The following PARD3B variants were observed in gnomAD, a reference collection of about 807,000 sequenced individuals.
PARD3B encodes partitioning defective 3 homolog B.
In PARD3B, 103 loss-of-function variants were observed where a neutral mutation model predicts 130.2. The ratio of observed to expected loss-of-function variants is 0.79; its 90% confidence interval spans 0.67 to 0.93. The LOEUF (loss-of-function observed/expected upper bound fraction) is 0.93. PARD3B is among the 40% of genes least tolerant of loss of function. The pLI, the probability that PARD3B is intolerant of heterozygous loss-of-function variation, is 0.00. For missense variants in PARD3B, 1,609 were observed against 1,499.2 expected (o/e 1.07, Z -1.21); for synonymous variants, 583 against 553.2 (o/e 1.05, Z -0.76).
chr2:205,158,946 A>C lies in PARD3B; in HGVS notation c.1620+39A>C, dbSNP rs753958062. On this transcript the variant is annotated intron_variant, in intron 11 of 22. Coordinates refer to ENST00000406610, the MANE Select transcript of PARD3B (RefSeq NM_001302769.2). This position sits in a 1 kb window ranked among gnomAD's most constrained non-coding sequence, Gnocchi z 5.4. ...ACATTTGTACATCCTTTGAGAAGGC[A>C]CTTGGAGATGTGACTGTTGTACTTA... 3 of 1,601,110 alleles carry C rather than the reference A, an allele frequency of 1.9e-6. No individual in the cohort carries two copies. The East Asian group carries it at 6.7e-5, about 36-fold the overall frequency.
chr2:204,676,970 G>T (rs745705559), intron 1 of PARD3B, among the ~76,000 whole-genome samples: 2 of 152,060 alleles, frequency 1.3e-5, no homozygotes, highest in Non-Finnish European at 2.9e-5. Flanking sequence ...ACCCGGCCAA[G>T]ATTGTTCTTT....
At position 205,474,243 on chromosome 2, in the gene PARD3B, G is replaced by A. The variant is rs149354280; in HGVS notation, c.3045-25653G>A. Among the ~76,000 whole-genome samples, 70 of 151,860 alleles carry A rather than the reference G, an allele frequency of 4.6e-4. No individual in the cohort carries two copies. In the East Asian group the frequency reaches 0.012, roughly 25 times the overall value. ...TCTATATTAAATTTAATAGCAAAAA[G>A]CTAAGGAAGAAAAAAATAAAATTGC... On this transcript the variant is annotated intron_variant, in intron 20 of 22. Coordinates refer to ENST00000406610, the MANE Select transcript of PARD3B (RefSeq NM_001302769.2).
intron 2 of PARD3B, among the ~76,000 whole-genome samples, chr2:204,893,326 G>A (rs1355328322): frequency 6.6e-6 from 1 of 152,168 alleles, no homozygotes; most frequent in African/African-American, 2.4e-5. Flanking sequence ...AGTGAGTGGA[G>A]CCAGTGCTTT....
At position 205,584,269 on chromosome 2, in the gene PARD3B, T is replaced by A. The variant is rs2054110834; in HGVS notation, c.3260+30866T>A. ...AAAGCAAAAGAATATTAAATATAAA[T>A]TATTTTTATATGGATTACTTGTTGA... On this transcript the variant is annotated intron_variant, in intron 22 of 22. Transcript: ENST00000406610. This position sits in a 1 kb window ranked among gnomAD's most constrained non-coding sequence, Gnocchi z 5.5. Among the ~76,000 whole-genome samples, 2 of 152,202 alleles carry A rather than the reference T, an allele frequency of 1.3e-5. No homozygotes were observed.
intron 8 of PARD3B, 66 bp from the exon 9 acceptor site, chr2:205,124,261 G>A (rs1039288072): frequency 8.9e-5 from 113 of 1,265,446 alleles, no homozygotes; most frequent in Non-Finnish European, 8.8e-5. Context: ...AGATCTTACT[G>A]TAAGACTGAA....
At chr2:205,220,018 C>A (rs554346676) in intron 15 of PARD3B, among the ~76,000 whole-genome samples, 1 of 152,112 alleles carries the variant, frequency 6.6e-6, no homozygotes, top group Non-Finnish European at 1.5e-5. Context: ...ACAGGGAGAA[C>A]TGTTGAGCCG....
chr2:204,729,179 A>C (rs1240638455), intron 2 of PARD3B, among the ~76,000 whole-genome samples: 2 of 152,220 alleles, frequency 1.3e-5, no homozygotes, highest in African/African-American at 2.4e-5. Context: ...TCACATAGTC[A>C]TGCAACTGTG....
Position 205,615,690 on chromosome 2 carries a change from G to T in PARD3B, c.3495G>T (p.Gln1165His). ...FRQDVPPSPP[Q>H]HQRMPAYQET... ...AAGACGTTCCGCCTTCCCCTCCCCA[G>T]CACCAAAGAATGCCAGCCTATCAGG... Residue 1165 changes from glutamine to histidine, a missense_variant, in exon 23 of 23, where the codon CAG becomes CAT. Gln to His is a conservative substitution (Grantham distance 24). Transcript: ENST00000406610. 6.2e-7 allele frequency: 1 copy of T among 1,613,890 alleles called. No homozygotes were observed. Among genetic ancestry groups the T allele is most frequent in the Non-Finnish European group, 8.5e-7 (1 of 1,179,988 alleles).
At chr2:205,606,381 C>T (rs2105776944) in intron 22 of PARD3B, among the ~76,000 whole-genome samples, 1 of 152,316 alleles carries the variant, frequency 6.6e-6, no homozygotes, top group African/African-American at 2.4e-5. Context: ...CATGTGGCTC[C>T]CAGGTGGGCT....
intron 10 of PARD3B, among the ~76,000 whole-genome samples, chr2:205,147,973 T>A (rs1032128866): frequency 6.6e-6 from 1 of 152,138 alleles, no homozygotes; most frequent in African/African-American, 2.4e-5. Flanking sequence ...ATATCAGAGA[T>A]CATAGGGCTA....
In PARD3B at chr2:205,292,754, A is replaced by G. The variant is rs766625401; in HGVS notation, c.2186-7776A>G. On this transcript the variant is annotated intron_variant, in intron 16 of 22. Coordinates refer to ENST00000406610, the MANE Select transcript of PARD3B (RefSeq NM_001302769.2). The surrounding 1 kb of genome is among the most constrained non-coding windows in gnomAD (Gnocchi z 5.3). ...ATACAGTTGAATTTGGGTAAGATCA[A>G]TTGTGTGTGATTAGACTTCACTTTG... 2.0e-5 allele frequency among the ~76,000 whole-genome samples: 3 copies of G among 152,296 alleles called. No individual in the cohort carries two copies. The highest frequency in any genetic ancestry group is 4.4e-5 in the Non-Finnish European group (3 of 68,026).
chr2:204,830,991 T>C (rs2125566339), intron 2 of PARD3B, among the ~76,000 whole-genome samples: 1 of 152,226 alleles, frequency 6.6e-6, no homozygotes, highest in East Asian at 1.9e-4. Flanking sequence ...TACTATAAAA[T>C]GATATCTCCT....
rs576327131 is a variant in PARD3B, at chr2:205,606,283, G to A, written c.3261-9173G>A. 5.3e-5 allele frequency among the ~76,000 whole-genome samples: 8 copies of A among 152,256 alleles called. No homozygotes were observed. In the East Asian group the frequency reaches 9.7e-4, roughly 18 times the overall value. Reference sequence around the variant, plus strand: ...GGATCTCCTGATCCATGGGTTACACGGAACCATGGGAAAAGCATGGTTTCC... The same window carrying A: ...GGATCTCCTGATCCATGGGTTACACAGAACCATGGGAAAAGCATGGTTTCC... On this transcript the variant is annotated intron_variant, in intron 22 of 22. Transcript: ENST00000406610.
At chr2:204,901,235 C>T (rs1024572723) in intron 2 of PARD3B, among the ~76,000 whole-genome samples, 8 of 152,116 alleles carry the variant, frequency 5.3e-5, no homozygotes, top group African/African-American at 1.9e-4. Flanking sequence ...CAGTCAGGAG[C>T]CAGGGCCTGG....
chr2:205,565,877 A>T (rs980815319), intron 22 of PARD3B, among the ~76,000 whole-genome samples: 40 of 152,108 alleles, frequency 2.6e-4, no homozygotes, highest in African/African-American at 9.6e-4. Flanking sequence ...CAGCAGTCAC[A>T]AAGAAAACAT....
chr2:205,102,705 G>C (rs1208279112), intron 4 of PARD3B, among the ~76,000 whole-genome samples: 1 of 152,134 alleles, frequency 6.6e-6, no homozygotes, highest in African/African-American at 2.4e-5. Context: ...AAAAGTGAGA[G>C]ACATTTTTTT....
At chr2:205,087,725 A>T (rs917058380) in intron 4 of PARD3B, among the ~76,000 whole-genome samples, 1 of 152,194 alleles carries the variant, frequency 6.6e-6, no homozygotes. Flanking sequence ...TCAACCTGGG[A>T]TGAATGTCAC....
At position 205,514,833 on chromosome 2, in the gene PARD3B, C is replaced by CTTT. The variant is rs5837976; in HGVS notation, c.3180+14815_3180+14817dup. 1.5e-3 allele frequency among the ~76,000 whole-genome samples: 198 copies of CTTT among 136,052 alleles called. 1 individual carries two copies. The highest frequency in any genetic ancestry group is 0.012 in the South Asian group (49 of 4,222). 89.3% of individuals were successfully genotyped at this position (136,052 alleles called of 152,430 possible). A position where few individuals can be genotyped will look rare whatever the true frequency, so the allele number is the denominator to read the frequency against. The stretch of plus-strand genomic sequence containing the variant: ...TGTTTTTATTATTTTTCTTACAGTT[C>CTTT]TTTTTTTTTTTTTTTACTTTAAGGT... On this transcript the variant is annotated intron_variant, in intron 21 of 22. Transcript: ENST00000406610.
intron 14 of PARD3B, among the ~76,000 whole-genome samples, chr2:205,190,165 G>A (rs555378467): frequency 1.1e-4 from 16 of 152,150 alleles, no homozygotes; most frequent in East Asian, 5.8e-4. Flanking sequence ...CTTTTTAAAC[G>A]GGGATTGGGA....
Sources: allele counts gnomAD v4.1 joint callset (sites outside exome capture counted in the v4.1 genomes callset), GRCh38; gene constraint gnomAD v4.1.1; non-coding constraint Gnocchi (gnomAD v3.1); transcripts MANE v1.5; gene names NCBI Gene and HGNC (gene_info 2026-07-23, HGNC 2026-07-21).